MIA2: variants seen among roughly 807,000 people sequenced by gnomAD.
MIA2 encodes melanoma inhibitory activity protein 2.
MIA2 carries 127 observed loss-of-function variants against 167.8 expected under a neutral mutation model. That is an observed-to-expected ratio of 0.76 (90% CI 0.66 to 0.88). The LOEUF is 0.88. Among genes scored for constraint, MIA2 ranks in the 40% least tolerant of loss-of-function variants. The pLI is 0.00. For synonymous variants in MIA2, 552 were observed against 541.9 expected (o/e 1.02, Z -0.26); for missense variants, 1,690 against 1,624.7 (o/e 1.04, Z -0.69).
At chr14:39,358,018 A>C (rs1460551029) in intron 23 of MIA2, among the ~76,000 whole-genome samples, 3 of 152,030 alleles carry the variant, frequency 2.0e-5, no homozygotes, top group Admixed American at 2.0e-4. Context: ...GGTGAATCTG[A>C]CAATTATGTG....
chr14:39,290,471 T>A (rs550303249), intron 9 of MIA2, among the ~76,000 whole-genome samples: 1 of 152,334 alleles, frequency 6.6e-6, no homozygotes, highest in South Asian at 2.1e-4. Context: ...TATGTTTTAT[T>A]GTTCATTTTT....
chr14:39,374,155 A>T (rs1394992048), intron 23 of MIA2, among the ~76,000 whole-genome samples: 1 of 152,238 alleles, frequency 6.6e-6, no homozygotes, highest in Non-Finnish European at 1.5e-5. Flanking sequence ...TCCAGAGTGA[A>T]GACTGGAAGA....
chr14:39,284,750 CT>C (rs1181601296), intron 9 of MIA2, among the ~76,000 whole-genome samples: 2 of 147,092 alleles, frequency 1.4e-5, no homozygotes, highest in African/African-American at 2.5e-5. Flanking sequence ...CTTTTTTTTT[CT>C]TTTTTTTATT....
chr14:39,345,710 TTG>T (rs1156792230), intron 25 of MIA2, among the ~76,000 whole-genome samples, 192 bp from the exon 26 acceptor site: 3 of 152,202 alleles, frequency 2.0e-5, no homozygotes, highest in Non-Finnish European at 4.4e-5. Context: ...CAGATTATGC[TTG>T]TGTTTACTAT....
intron 6 of MIA2, among the ~76,000 whole-genome samples, chr14:39,260,277 G>A (rs1008051209): frequency 1.1e-4 from 17 of 152,122 alleles, no homozygotes; most frequent in African/African-American, 3.1e-4. Context: ...TTGAGGAATC[G>A]CCACACTGTC....
chr14:39,331,584 G>T (rs1238407893), intron 25 of MIA2, among the ~76,000 whole-genome samples: 17 of 152,170 alleles, frequency 1.1e-4, no homozygotes, highest in Admixed American at 1.3e-4. Flanking sequence ...TGTTTTTGCA[G>T]TGGCTGGTAG....
rs372147405 is a variant in MIA2 at position 39,319,335 on chromosome 14, C to CATAT, written c.3367+55_3367+58dup. 1,130 of 839,806 alleles carry CATAT rather than the reference C, an allele frequency of 1.3e-3. 6 individuals are homozygous for CATAT. The highest frequency in any genetic ancestry group is 0.011 in the African/African-American group (614 of 56,154). The allele number at this position is 839,806 out of a possible 1,614,324, so 52.0% of individuals were successfully genotyped here. The stretch of plus-strand genomic sequence containing the variant: ...CCCCTCATTTAAAATACATATTTTA[C>CATAT]ATATATATATATATTGCACATATAG... On this transcript the variant is annotated intron_variant, in intron 23 of 28. Transcript: ENST00000640607.
chr14:39,294,942 G>A lies in MIA2; in HGVS notation c.2409G>A (p.Lys803=), dbSNP rs1023184382. 1 of 1,612,686 alleles carries A rather than the reference G, an allele frequency of 6.2e-7. No individual in the cohort carries two copies. Among genetic ancestry groups the A allele is most frequent in the African/African-American group, 1.3e-5 (1 of 74,952 alleles). The part of the protein sequence containing the change: ...SQVAEAKMTF[K]IFQMNEERLK... ...TCACTTAGGCCAAAATGACCTTCAA[G>A]ATATTTCAAATGAATGAAGAACGAC... Residue 803 remains lysine, a synonymous_variant, in exon 13 of 29, where the codon AAG becomes AAA. Transcript: ENST00000640607.
chr14:39,274,231 A>G (rs1181012306), intron 6 of MIA2, among the ~76,000 whole-genome samples: 1 of 152,126 alleles, frequency 6.6e-6, no homozygotes, highest in Non-Finnish European at 1.5e-5. Context: ...TCAGTTTATC[A>G]GATTACATGT....
chr14:39,315,578 C>A, intron 20 of MIA2, 105 bp from the exon 21 acceptor site: 1 of 810,006 alleles, frequency 1.2e-6, no homozygotes, highest in South Asian at 1.7e-5. Context: ...TTCAGAGATG[C>A]TTGGGATAGT....
At chr14:39,356,309 C>A (rs1401519617), downstream of MIA2, among the ~76,000 whole-genome samples, 1 of 152,178 alleles carries the variant, frequency 6.6e-6, no homozygotes, top group Non-Finnish European at 1.5e-5. Context: ...GGAATTTATC[C>A]ATTTCTTCCA....
chr14:39,304,906 T>C (rs2063092194), intron 17 of MIA2, among the ~76,000 whole-genome samples: 1 of 152,174 alleles, frequency 6.6e-6, no homozygotes, highest in Non-Finnish European at 1.5e-5. Flanking sequence ...AGTAAACAAG[T>C]TCTGTCAATA....
At chr14:39,285,085 A>G (rs1053588321) in intron 9 of MIA2, among the ~76,000 whole-genome samples, 1 of 152,248 alleles carries the variant, frequency 6.6e-6, no homozygotes, top group Non-Finnish European at 1.5e-5. Context: ...TCATAGATCA[A>G]CAGCATCCCA....
chr14:39,322,076 T>C (rs1388788229), intron 24 of MIA2, among the ~76,000 whole-genome samples: 1 of 152,164 alleles, frequency 6.6e-6, no homozygotes, highest in South Asian at 2.1e-4. Flanking sequence ...CATAAAATTA[T>C]ATTTTGATGA....
intron 9 of MIA2, among the ~76,000 whole-genome samples, chr14:39,290,134 A>G (rs932300477): frequency 2.0e-5 from 3 of 152,184 alleles, no homozygotes; most frequent in Non-Finnish European, 4.4e-5. Flanking sequence ...CTGACTTGGC[A>G]GGTCCTGAAC....
At chr14:39,301,625 A>G (rs1415133714) in intron 14 of MIA2, among the ~76,000 whole-genome samples, 1 of 152,224 alleles carries the variant, frequency 6.6e-6, no homozygotes, top group Non-Finnish European at 1.5e-5. Context: ...ATATTTCTTT[A>G]ATCAACAAAA....
rs1792629013 is a variant in MIA2, at chr14:39,277,740, A to ATGTGTGTG, written c.2019+676_2019+677insGTGTGTGT. ...TGTGTGTATATATATATATATATATATATGTGTGTATATATATATATATAT... is the reference window on the plus strand; with the variant it reads ...TGTGTGTATATATATATATATATATATGTGTGTGTATGTGTGTATATATATATATATAT... On this transcript the variant is annotated intron_variant, in intron 7 of 28. Coordinates refer to ENST00000640607, the MANE Select transcript of MIA2 (RefSeq NM_001329214.4). Among the ~76,000 whole-genome samples the ATGTGTGTG allele has an allele frequency of 1.6e-3, 6 of 3,696 alleles. 2 individuals carry two copies. The highest frequency in any genetic ancestry group is 8.5e-3 in the African/African-American group (6 of 708). The allele number at this position is 3,696 out of a possible 152,430, so 2.4% of individuals were successfully genotyped here. A position where few individuals can be genotyped will look rare whatever the true frequency, so the allele number is the denominator to read the frequency against.
At chr14:39,313,515 A>G in intron 19 of MIA2, 74 bp downstream of exon 19, 1 of 785,224 alleles carries the variant, frequency 1.3e-6, no homozygotes, top group Non-Finnish European at 2.1e-6. Flanking sequence ...CAGAAAAATA[A>G]TAAATCAAAT....
intron 25 of MIA2, among the ~76,000 whole-genome samples, chr14:39,339,052 A>C (rs1320216999): frequency 1.3e-5 from 2 of 152,180 alleles, no homozygotes; most frequent in East Asian, 3.9e-4. Flanking sequence ...TTTCGGGATG[A>C]AAGTGTTCAC....
Sources: allele counts gnomAD v4.1 joint callset (sites outside exome capture counted in the v4.1 genomes callset), GRCh38; gene constraint gnomAD v4.1.1; transcripts MANE v1.5; gene names NCBI Gene and HGNC (gene_info 2026-07-23, HGNC 2026-07-21).